Variants in PREPL observed in about 807,000 individuals in gnomAD.
The protein encoded by PREPL is prolyl endopeptidase like, also known as prolyl endopeptidase-like.
In PREPL, 77 loss-of-function variants were observed where a neutral mutation model predicts 70.6. The ratio of observed to expected loss-of-function variants is 1.09; its 90% confidence interval spans 0.91 to 1.32. The LOEUF (loss-of-function observed/expected upper bound fraction) is 1.32. PREPL is among the 40% of genes most tolerant of loss of function. PREPL has a pLI of 0.00. For synonymous variants in PREPL, 315 were observed against 264.8 expected (o/e 1.19, Z -1.84); for missense variants, 1,002 against 778.2 (o/e 1.29, Z -3.42).
chr2:44,338,318 T>C lies in PREPL; in HGVS notation c.888+33A>G, dbSNP rs767941769. The C allele has an allele frequency of 3.9e-6, 6 of 1,556,548 alleles. No individual in the cohort carries two copies. The East Asian group carries it at 1.1e-4, about 29-fold the overall frequency. ...AAGCTAAACTGCATAAATATTTTGATTAACAGTATTAACTTCTGAAAATTA... is the reference window on the plus strand; with the variant it reads ...AAGCTAAACTGCATAAATATTTTGACTAACAGTATTAACTTCTGAAAATTA... On this transcript the variant is annotated intron_variant, in intron 7 of 13. Transcript: ENST00000409411.
rs561587139 is a variant in PREPL at position 44,328,001 on chromosome 2, A to G, written c.1262+936T>C. Among the ~76,000 whole-genome samples, 648 of 150,862 alleles carry G rather than the reference A, an allele frequency of 4.3e-3. 1 individual carries two copies. Among genetic ancestry groups the G allele is most frequent in the African/African-American group, 0.015 (615 of 41,108 alleles). Reference sequence around the variant, plus strand: ...CCTGTCTCTACTAAAATACAAAAAAATCGGGCTGGTACGGTGGCTCATGCC... The same window carrying G: ...CCTGTCTCTACTAAAATACAAAAAAGTCGGGCTGGTACGGTGGCTCATGCC... On this transcript the variant is annotated intron_variant, in intron 9 of 13. Transcript: ENST00000409411.
intron 1 of PREPL, among the ~76,000 whole-genome samples, chr2:44,353,725 T>C (rs767559316): frequency 1.3e-5 from 2 of 152,132 alleles, no homozygotes; most frequent in Admixed American, 1.3e-4. Context: ...TTATGGTCAG[T>C]TGATTTTCAG....
chr2:44,319,950 C>T lies in PREPL; in HGVS notation c.*1406G>A, dbSNP rs1473143434. The T allele has an allele frequency of 4.9e-5, 23 of 473,390 alleles. 1 individual carries two copies. In the South Asian group the frequency reaches 4.9e-4, roughly 10 times the overall value. 29.3% of individuals were successfully genotyped at this position (473,390 alleles called of 1,614,324 possible). A position where few individuals can be genotyped will look rare whatever the true frequency, so the allele number is the denominator to read the frequency against. Reference sequence around the variant, plus strand: ...GAGTCAAATTTGATCTCTACAGAAACTCTACAATGTAGCAGAGCACTGTGC... The same window carrying T: ...GAGTCAAATTTGATCTCTACAGAAATTCTACAATGTAGCAGAGCACTGTGC... On this transcript the variant is annotated 3_prime_UTR_variant, in exon 14 of 14. Coordinates refer to ENST00000409411, the MANE Select transcript of PREPL (RefSeq NM_001171613.2).
intron 1 of PREPL, chr2:44,360,309 C>T (rs1203882079): frequency 6.6e-6 from 1 of 152,220 alleles, no homozygotes; most frequent in Non-Finnish European, 1.5e-5. Context: ...TTTATATGGA[C>T]TTAATAAAGT....
intron 5 of PREPL, among the ~76,000 whole-genome samples, chr2:44,341,241 C>A (rs1675188355): frequency 6.6e-6 from 1 of 151,810 alleles, no homozygotes; most frequent in Admixed American, 6.6e-5. Context: ...TTATTTTTTC[C>A]CAAATAGTAT....
rs1460443546 is a variant in PREPL, at chr2:44,326,853, T to C, written c.1338A>G (p.Leu446=). Residue 446 remains leucine, a synonymous_variant, in exon 10 of 14, where the codon TTA becomes TTG. Coordinates refer to ENST00000409411, the MANE Select transcript of PREPL (RefSeq NM_001171613.2). ...CATGAAGCGTCTTAATGCAAGCCTC[T>C]AAATCAGCAAGGCCATTGAGTTTTT... The part of the protein sequence containing the change: ...LTKKLNGLAD[L]EACIKTLHGQ... The C allele has an allele frequency of 6.2e-7, 1 of 1,614,176 alleles. No homozygotes were observed. Among genetic ancestry groups the C allele is most frequent in the Non-Finnish European group, 8.5e-7 (1 of 1,180,022 alleles).
In PREPL at chr2:44,320,451, A is replaced by G. The variant is rs781253461; in HGVS notation, c.*905T>C. The G allele has an allele frequency of 4.7e-5, 76 of 1,614,030 alleles. No individual in the cohort carries two copies. The highest frequency in any genetic ancestry group is 3.3e-4 in the Admixed American group (20 of 59,992). ...CGCTAAAATGAGAATAAGGTTAAGTACCAATTCTGCCGACAAAGGCAGTAA... is the reference window on the plus strand; with the variant it reads ...CGCTAAAATGAGAATAAGGTTAAGTGCCAATTCTGCCGACAAAGGCAGTAA... On this transcript the variant is annotated 3_prime_UTR_variant, in exon 14 of 14. Coordinates refer to ENST00000409411, the MANE Select transcript of PREPL (RefSeq NM_001171613.2).
chr2:44,350,758 T>C (rs1302358269), intron 1 of PREPL, among the ~76,000 whole-genome samples: 1 of 152,214 alleles, frequency 6.6e-6, no homozygotes, highest in Non-Finnish European at 1.5e-5. Context: ...GGTCACTCAA[T>C]GGCTACCACA....
intron 1 of PREPL, among the ~76,000 whole-genome samples, chr2:44,354,513 C>T (rs369972708): frequency 1.1e-4 from 17 of 152,170 alleles, no homozygotes; most frequent in African/African-American, 4.1e-4. Context: ...ATTCCAGACT[C>T]ATATATCCAA....
At chr2:44,346,187 G>A (rs1675798730) in intron 2 of PREPL, 81 bp downstream of exon 2, 1 of 1,333,210 alleles carries the variant, frequency 7.5e-7, no homozygotes, top group Non-Finnish European at 1.0e-6. Flanking sequence ...TGTGGACTAT[G>A]TCTCTAAATC....
chr2:44,329,139 T>C, intron 8 of PREPL, 27 bp from the exon 9 acceptor site: 7 of 1,532,178 alleles, frequency 4.6e-6, no homozygotes, highest in Non-Finnish European at 5.4e-6. Flanking sequence ...ACTATGTATG[T>C]AAAGAAGAGT....
intron 7 of PREPL, among the ~76,000 whole-genome samples, chr2:44,333,967 C>T (rs79319385): frequency 0.037 from 5,686 of 152,226 alleles, 340 homozygotes; most frequent in African/African-American, 0.13. Flanking sequence ...ATGTGACCCA[C>T]GCAGTAAGCT....
chr2:44,345,389 T>C (rs1675687180), intron 2 of PREPL, among the ~76,000 whole-genome samples: 1 of 152,108 alleles, frequency 6.6e-6, no homozygotes, highest in Non-Finnish European at 1.5e-5. Context: ...TCTTGCTCTG[T>C]CACCCAGGCT....
At chr2:44,321,502 G>A (rs1672940402) in intron 13 of PREPL, 57 bp from the exon 14 acceptor site, 1 of 1,579,026 alleles carries the variant, frequency 6.3e-7, no homozygotes, top group Non-Finnish European at 8.6e-7. Context: ...AAATGCCACT[G>A]TTTAAGCTTC....
intron 1 of PREPL, chr2:44,359,616 C>T (rs763785339): frequency 5.6e-6 from 9 of 1,611,290 alleles, no homozygotes; most frequent in East Asian, 4.5e-5. Flanking sequence ...CAATGATCAG[C>T]GAAGTTATAG....
rs1677739880 is a variant in PREPL at position 44,361,148 on chromosome 2, T to C, written c.-49+232A>G. Among the ~76,000 whole-genome samples, 3 of 152,192 alleles carry C rather than the reference T, an allele frequency of 2.0e-5. No individual in the cohort carries two copies. The South Asian group carries it at 6.2e-4, about 31-fold the overall frequency. On this transcript the variant is annotated intron_variant, in intron 1 of 13. Coordinates refer to ENST00000409411, the MANE Select transcript of PREPL (RefSeq NM_001171613.2). ...AAGAAGACAGTATGCAAGGCTAGGA[T>C]GGGGGTGGGGTAGATAAATGGGTGT...
At chr2:44,339,037 A>C (rs1674936365) in intron 6 of PREPL, 110 bp downstream of exon 6, 4 of 1,488,092 alleles carry the variant, frequency 2.7e-6, no homozygotes, top group African/African-American at 2.8e-5. Context: ...TATACATAGG[A>C]AGGTGGCATC....
In PREPL at chr2:44,338,351, C is replaced by G. The variant is rs763656672; in HGVS notation, c.888G>C (p.Lys296Asn). The change falls in exon 7 of 14, where the codon AAG (lysine) becomes AAC (asparagine). Residue 296 changes from lysine to asparagine, a missense_variant and splice_region_variant. Coordinates refer to ENST00000409411, the MANE Select transcript of PREPL (RefSeq NM_001171613.2). The stretch of plus-strand genomic sequence containing the variant: ...ATTAACTTCTGAAAATTAAACATAC[C>G]TTTAGAGACCGAACTGAATCATCAG... ...GLADDSVRSL[K>N]LPPWACGFIM... 6.2e-7 allele frequency: 1 copy of G among 1,608,624 alleles called. No individual in the cohort carries two copies. The highest frequency in any genetic ancestry group is 2.2e-5 in the East Asian group (1 of 44,802).
At chr2:44,325,923 G>C (rs1272145046) in intron 10 of PREPL, among the ~76,000 whole-genome samples, 2 of 152,264 alleles carry the variant, frequency 1.3e-5, no homozygotes, top group Non-Finnish European at 1.5e-5. Flanking sequence ...ATCATTTTCA[G>C]AACAGGGTAA....
Sources: gnomAD v4.1 joint callset for allele counts (sites outside exome capture counted in the v4.1 genomes callset) on GRCh38, gnomAD v4.1.1 for gene constraint, MANE v1.5 for transcripts, NCBI Gene and HGNC (gene_info 2026-07-23, HGNC 2026-07-21) for gene names.